Variants in ELOVL5 observed in about 807,000 individuals in gnomAD.
ELOVL5 encodes the protein very long chain fatty acid elongase 5.
In ELOVL5, 8 loss-of-function variants were observed where a neutral mutation model predicts 38.6. The ratio of observed to expected loss-of-function variants is 0.21; its 90% CI spans 0.12 to 0.37. The LOEUF (loss-of-function observed/expected upper bound fraction) is 0.37. Among genes scored for constraint, ELOVL5 ranks in the 10% least tolerant of loss-of-function variants. The probability of loss-of-function intolerance (pLI) is 1.00; values close to 1 mark genes in which losing one functional copy is unlikely to be tolerated. For missense variants in ELOVL5, 280 were observed against 367.8 expected, an observed-to-expected ratio of 0.76 and a Z score of 1.95; for synonymous variants, 127 against 133.7, an observed-to-expected ratio of 0.95 and a Z score of 0.34.
At chr6:53,315,325 CA>C (rs1767985406) in intron 1 of ELOVL5, among the ~76,000 whole-genome samples, 1 of 152,168 alleles carries the variant, frequency 6.6e-6, no homozygotes. Flanking sequence ...CCAAAGGCCC[CA>C]CCCTTCTAAT....
chr6:53,288,040 CA>C, intron 3 of ELOVL5: 6 of 1,042,276 alleles, frequency 5.8e-6, no homozygotes, highest in Non-Finnish European at 8.6e-6. Context: ...CACATGAGGA[CA>C]GAGCATCTGC....
At chr6:53,273,808 C>T (rs1277483099) in intron 5 of ELOVL5, among the ~76,000 whole-genome samples, 1 of 152,168 alleles carries the variant, frequency 6.6e-6, no homozygotes, top group Non-Finnish European at 1.5e-5. Flanking sequence ...AATTATTTCC[C>T]AGGACTGCAG....
chr6:53,313,149 A>G (rs1178027345), intron 1 of ELOVL5, among the ~76,000 whole-genome samples: 2 of 152,208 alleles, frequency 1.3e-5, no homozygotes, highest in Non-Finnish European at 2.9e-5. Context: ...ATTAAAATGT[A>G]ATCTTTGATG....
intron 1 of ELOVL5, among the ~76,000 whole-genome samples, chr6:53,298,477 A>C (rs991292096): frequency 6.6e-6 from 1 of 151,804 alleles, no homozygotes; most frequent in Non-Finnish European, 1.5e-5. Flanking sequence ...GAAACCCCCC[A>C]TTTTTTTTCA....
chr6:53,309,710 G>A (rs188047140), intron 1 of ELOVL5, among the ~76,000 whole-genome samples: 71 of 152,288 alleles, frequency 4.7e-4, no homozygotes, highest in African/African-American at 1.3e-3. Context: ...CAGCTGGCAT[G>A]TTTCTGTCTG....
intron 1 of ELOVL5, among the ~76,000 whole-genome samples, chr6:53,329,280 G>A (rs1768684390): frequency 6.6e-6 from 1 of 151,722 alleles, no homozygotes; most frequent in Non-Finnish European, 1.5e-5. Context: ...TTTATATTTT[G>A]AAATATATTT....
At chr6:53,312,158 T>C (rs1359031892) in intron 1 of ELOVL5, among the ~76,000 whole-genome samples, 2 of 152,202 alleles carry the variant, frequency 1.3e-5, no homozygotes, top group African/African-American at 2.4e-5. Flanking sequence ...TATAGGAATA[T>C]AATTAAATAT....
rs70980840 is a variant in ELOVL5, at chr6:53,324,691, A to AC, written c.-9+24125_-9+24126insG. ...TCCTGTCAAAAAAAAAAAAAAAAAA[A>AC]GGAAAAGAAATAGAATCAGGAAGGA... is the stretch of plus-strand genomic sequence containing the variant. On this transcript the variant is annotated intron_variant, in intron 1 of 7. Transcript: ENST00000304434. Among the ~76,000 whole-genome samples the AC allele has an allele frequency of 5.9e-5, 7 of 118,060 alleles. 1 individual carries two copies. The highest frequency in any genetic ancestry group is 2.6e-4 in the East Asian group (1 of 3,910). The allele number at this position is 118,060 out of a possible 152,430, so 77.5% of individuals were successfully genotyped here. A position where few individuals can be genotyped will look rare whatever the true frequency, so the allele number is the denominator to read the frequency against.
chr6:53,314,643 T>A (rs909135232), intron 1 of ELOVL5, among the ~76,000 whole-genome samples: 16 of 151,932 alleles, frequency 1.1e-4, no homozygotes, highest in African/African-American at 3.4e-4. Flanking sequence ...ATTCCTCCAG[T>A]CATGACCCAT....
chr6:53,341,896 T>C (rs1769348175), intron 1 of ELOVL5, among the ~76,000 whole-genome samples: 1 of 152,148 alleles, frequency 6.6e-6, no homozygotes, highest in South Asian at 2.1e-4. Flanking sequence ...AGGCACAGGA[T>C]TATCACCTTC....
intron 3 of ELOVL5, among the ~76,000 whole-genome samples, chr6:53,291,296 C>T: frequency 6.6e-6 from 1 of 152,166 alleles, no homozygotes; most frequent in East Asian, 1.9e-4. Context: ...TTTTAAAAAA[C>T]AACTGAGATT....
At chr6:53,347,278 G>A (rs1275490323) in intron 1 of ELOVL5, among the ~76,000 whole-genome samples, 1 of 152,130 alleles carries the variant, frequency 6.6e-6, no homozygotes, top group Non-Finnish European at 1.5e-5. Context: ...AGAATCTAGG[G>A]TAAAAATCTA....
At chr6:53,288,086 G>A (rs1766641223) in intron 3 of ELOVL5, 2 of 736,054 alleles carry the variant, frequency 2.7e-6, no homozygotes, top group South Asian at 3.3e-5. Context: ...CTCTAACAAA[G>A]GAGTTAAAAG....
chr6:53,277,694 T>G (rs898331138), intron 3 of ELOVL5: 1 of 152,236 alleles, frequency 6.6e-6, no homozygotes, highest in Non-Finnish European at 1.5e-5. Flanking sequence ...TCTACTACTC[T>G]CTAAAGTCAT....
At chr6:53,328,174 C>T (rs994441832) in intron 1 of ELOVL5, among the ~76,000 whole-genome samples, 4 of 152,168 alleles carry the variant, frequency 2.6e-5, no homozygotes, top group Non-Finnish European at 5.9e-5. Flanking sequence ...ATGAGACAGA[C>T]AAGGGCACAA....
intron 2 of ELOVL5, chr6:53,294,268 C>G: frequency 6.4e-7 from 1 of 1,552,904 alleles, no homozygotes; most frequent in Non-Finnish European, 8.7e-7. Flanking sequence ...GTCCTAACCC[C>G]CTCTGGTGGC....
chr6:53,345,449 G>A (rs963712378), intron 1 of ELOVL5, among the ~76,000 whole-genome samples: 2 of 116,528 alleles, frequency 1.7e-5, no homozygotes, highest in African/African-American at 5.2e-5. Flanking sequence ...CCAGAAATCT[G>A]CTTCTGACTC....
intron 6 of ELOVL5, among the ~76,000 whole-genome samples, chr6:53,271,003 T>C (rs185753563): frequency 6.6e-6 from 1 of 152,316 alleles, no homozygotes; most frequent in East Asian, 1.9e-4. Context: ...TCCAAGACTT[T>C]TTGTTTTTAT....
intron 1 of ELOVL5, among the ~76,000 whole-genome samples, chr6:53,335,004 G>A (rs1768986860): frequency 6.6e-6 from 1 of 152,154 alleles, no homozygotes; most frequent in African/African-American, 2.4e-5. Context: ...GTGTGATTCT[G>A]GGCAAGCCAT....
Sources: allele counts gnomAD v4.1 joint callset (sites outside exome capture counted in the v4.1 genomes callset), GRCh38; gene constraint gnomAD v4.1.1; transcripts MANE v1.5; gene names NCBI Gene and HGNC (gene_info 2026-07-23, HGNC 2026-07-21).